The following PAK6 variants were observed in gnomAD, a reference collection of about 807,000 sequenced individuals.
PAK6 encodes serine/threonine-protein kinase PAK 6.
PAK6 carries 33 observed loss-of-function variants against 60.8 expected under a neutral mutation model. That is an observed-to-expected ratio of 0.54 (90% confidence interval 0.41 to 0.73). The LOEUF is 0.73. Ranked by LOEUF, PAK6 falls within the 30% of genes least tolerant of loss-of-function variation. The pLI is 0.00. For missense variants in PAK6, 845 were observed against 904.1 expected (o/e 0.93, Z 0.84); for synonymous variants, 404 against 378.5 (o/e 1.07, Z -0.78).
intron 2 of PAK6, among the ~76,000 whole-genome samples, chr15:40,242,503 G>A (rs1036336853): frequency 2.6e-5 from 4 of 152,234 alleles, no homozygotes; most frequent in South Asian, 4.1e-4. Flanking sequence ...GCATCTGGCC[G>A]CCTGCACCTA....
chr15:40,251,004 C>T (rs2038651392), intron 2 of PAK6: 1 of 152,558 alleles, frequency 6.6e-6, no homozygotes, highest in African/African-American at 2.4e-5. Flanking sequence ...TGGTCCCCCT[C>T]CCACTGCCCC....
At chr15:40,241,126 G>T (rs1165884144) in intron 2 of PAK6, among the ~76,000 whole-genome samples, 1 of 152,198 alleles carries the variant, frequency 6.6e-6, no homozygotes, top group Admixed American at 6.5e-5. Context: ...ATCAGGGCAG[G>T]TTCAGGGAGC....
At chr15:40,274,441 C>A (rs1422843791) in intron 10 of PAK6, among the ~76,000 whole-genome samples, 165 bp downstream of exon 10, 1 of 152,252 alleles carries the variant, frequency 6.6e-6, no homozygotes, top group Non-Finnish European at 1.5e-5. Flanking sequence ...GGTGTGGAGC[C>A]GCATCTACGC....
At chr15:40,257,084 CT>C (rs1277053388) in intron 3 of PAK6, 1 of 152,390 alleles carries the variant, frequency 6.6e-6, no homozygotes, top group East Asian at 1.9e-4. Flanking sequence ...GACTTGAGCC[CT>C]GGTAAGCAGA....
chr15:40,258,144 C>G (rs1281413692), intron 3 of PAK6, among the ~76,000 whole-genome samples: 1 of 152,210 alleles, frequency 6.6e-6, no homozygotes, highest in Non-Finnish European at 1.5e-5. Context: ...AGATAAGGGT[C>G]AGCCTGCAAG....
At chr15:40,244,732 T>C (rs1453871700) in intron 2 of PAK6, among the ~76,000 whole-genome samples, 1 of 152,170 alleles carries the variant, frequency 6.6e-6, no homozygotes, top group Non-Finnish European at 1.5e-5. Context: ...GTTCTATGAA[T>C]TTAGGAAAGG....
intron 2 of PAK6, among the ~76,000 whole-genome samples, chr15:40,247,674 C>T (rs769926280): frequency 1.3e-5 from 2 of 152,172 alleles, no homozygotes; most frequent in Non-Finnish European, 1.5e-5. Context: ...AGGGTATCAG[C>T]AGGGCACATC....
intron 2 of PAK6, chr15:40,250,674 T>C (rs2038640680): frequency 6.6e-6 from 1 of 152,236 alleles, no homozygotes; most frequent in Admixed American, 6.5e-5. Flanking sequence ...TTTCTGGTAA[T>C]AATCTAACAT....
rs375393670 is a variant in PAK6 at position 40,273,306 on chromosome 15, A to C, written c.1491-40A>C. The C allele has an allele frequency of 1.1e-5, 18 of 1,603,888 alleles. No homozygotes were observed. The African/African-American group carries it at 2.0e-4, about 18-fold the overall frequency. ...AGCCACCCCACGACCTGCCAGAGCT[A>C]ACGTTCTCTTTCATCGGGTGGCCCC... On this transcript the variant is annotated intron_variant, in intron 7 of 10. Coordinates refer to ENST00000560346, the Ensembl canonical transcript of PAK6.
Position 40,268,500 on chromosome 15 carries a change from C to T in PAK6, c.858+2005C>T, listed in dbSNP as rs183419616. Among the ~76,000 whole-genome samples, 85 of 152,340 alleles carry T rather than the reference C, an allele frequency of 5.6e-4. No individual in the cohort carries two copies. In the Middle Eastern group the frequency reaches 0.014, roughly 24 times the overall value. On this transcript the variant is annotated intron_variant, in intron 5 of 10. Coordinates refer to ENST00000560346, the Ensembl canonical transcript of PAK6. ...GAGCATCAGCCTTCCTCCTCCTCCTCCACCACCACCTACCCCAGGAGTCCC... is the reference window on the plus strand; with the variant it reads ...GAGCATCAGCCTTCCTCCTCCTCCTTCACCACCACCTACCCCAGGAGTCCC...
intron 5 of PAK6, among the ~76,000 whole-genome samples, chr15:40,270,457 G>A (rs1026111730): frequency 6.6e-6 from 1 of 152,176 alleles, no homozygotes; most frequent in Non-Finnish European, 1.5e-5. Context: ...TAGCTCCCCA[G>A]ATCTCTGCAC....
chr15:40,263,236 C>T (rs1210833516), intron 3 of PAK6, among the ~76,000 whole-genome samples: 1 of 152,224 alleles, frequency 6.6e-6, no homozygotes, highest in African/African-American at 2.4e-5. Flanking sequence ...CACTCCAGAT[C>T]TTCGGGCGGA....
At chr15:40,272,392 C>G (rs1324359981) in exon 6 of PAK6, 1 of 1,613,666 alleles carries the variant, frequency 6.2e-7, no homozygotes, top group African/African-American at 1.3e-5. Flanking sequence ...AGGCCAGCTT[C>G]CAGGCCGGTC....
chr15:40,261,589 TC>T (rs2038987693), intron 3 of PAK6, among the ~76,000 whole-genome samples: 2 of 152,048 alleles, frequency 1.3e-5, no homozygotes, highest in African/African-American at 4.8e-5. Context: ...CTAAATTCAC[TC>T]CCTTAATCCC....
intron 3 of PAK6, among the ~76,000 whole-genome samples, chr15:40,262,009 G>A (rs1356060640): frequency 1.3e-5 from 2 of 150,212 alleles, no homozygotes; most frequent in South Asian, 2.1e-4. Flanking sequence ...AAAGCTGAGC[G>A]CTTGGGTGGG....
intron 2 of PAK6, chr15:40,252,283 G>A (rs769306575): frequency 4.1e-6 from 5 of 1,216,646 alleles, no homozygotes; most frequent in Non-Finnish European, 5.2e-6. Context: ...CACAGCCGGC[G>A]CTCAGCTGAT....
chr15:40,241,589 G>C (rs1297603607), intron 2 of PAK6, among the ~76,000 whole-genome samples: 4 of 152,188 alleles, frequency 2.6e-5, no homozygotes, highest in African/African-American at 9.7e-5. Flanking sequence ...CGCCTGGTCA[G>C]GGAAGGGTCG....
chr15:40,258,706 TC>T (rs2038903780), intron 3 of PAK6: 1 of 152,324 alleles, frequency 6.6e-6, no homozygotes, highest in African/African-American at 2.4e-5. Flanking sequence ...CCAGGAACCG[TC>T]GGTCCCCACT....
intron 2 of PAK6, chr15:40,252,931 GGCCGGGTGGCCGC>G: frequency 1.9e-6 from 2 of 1,034,872 alleles, no homozygotes; most frequent in South Asian, 3.4e-5. Context: ...TGCGAGCTGG[GGCCGGGTGGCCGC>G]GCCGGGTCGG....
Sources: allele counts gnomAD v4.1 joint callset (sites outside exome capture counted in the v4.1 genomes callset), GRCh38; gene constraint gnomAD v4.1.1; transcripts MANE v1.5; gene names NCBI Gene and HGNC (gene_info 2026-07-23, HGNC 2026-07-21).